ZNF277: variants seen among roughly 807,000 people sequenced by gnomAD.
ZNF277 encodes the protein nuclear receptor-interacting factor 4.
A neutral mutation model predicts 60.7 loss-of-function variants in ZNF277; 55 were observed. The observed-to-expected ratio is 0.91, with a 90% confidence interval of 0.73 to 1.13. The LOEUF is 1.13. Ranked by LOEUF, ZNF277 falls within the 50% of genes most tolerant of loss-of-function variation. The probability of loss-of-function intolerance (pLI) is 0.00; values close to 1 mark genes in which losing one functional copy is unlikely to be tolerated. For missense variants in ZNF277, 510 were observed against 523.0 expected (o/e 0.98, Z 0.24); for synonymous variants, 178 against 179.3 (o/e 0.99, Z 0.06).
At chr7:112,280,934 G>A (rs1043572036) in intron 1 of ZNF277, among the ~76,000 whole-genome samples, 15 of 152,176 alleles carry the variant, frequency 9.9e-5, no homozygotes, top group Admixed American at 2.6e-4. Context: ...AGCCCCTATT[G>A]TCTTTTACCA....
At chr7:112,326,895 T>C (rs925687703) in intron 5 of ZNF277, among the ~76,000 whole-genome samples, 1 of 152,230 alleles carries the variant, frequency 6.6e-6, no homozygotes, top group East Asian at 1.9e-4. Flanking sequence ...CTGTAGAATA[T>C]ACTATACACA....
chr7:112,338,823 C>T (rs1793384173), intron 9 of ZNF277, among the ~76,000 whole-genome samples: 1 of 152,168 alleles, frequency 6.6e-6, no homozygotes, highest in Admixed American at 6.5e-5. Context: ...TTTTCGGCAT[C>T]CTTGACAGGT....
chr7:112,260,813 GTC>G (rs1367672075), intron 1 of ZNF277, among the ~76,000 whole-genome samples: 1 of 152,180 alleles, frequency 6.6e-6, no homozygotes, highest in African/African-American at 2.4e-5. Flanking sequence ...CTACTCTAGT[GTC>G]TCTGCTACCT....
At chr7:112,214,789 T>C (rs898128495) in intron 1 of ZNF277, among the ~76,000 whole-genome samples, 2 of 152,150 alleles carry the variant, frequency 1.3e-5, no homozygotes, top group Admixed American at 1.3e-4. Flanking sequence ...GCTTTCTCCA[T>C]GAGTAGCATA....
intron 1 of ZNF277, among the ~76,000 whole-genome samples, chr7:112,213,084 G>A (rs1443506555): frequency 6.6e-6 from 1 of 152,212 alleles, no homozygotes; most frequent in Non-Finnish European, 1.5e-5. Context: ...GACCTGGTGG[G>A]AGATAATTGA....
intron 1 of ZNF277, among the ~76,000 whole-genome samples, chr7:112,211,738 A>G (rs1469164383): frequency 6.6e-6 from 1 of 152,198 alleles, no homozygotes; most frequent in Non-Finnish European, 1.5e-5. Flanking sequence ...GTCTAGCCTC[A>G]TCTTCAGTCA....
At chr7:112,291,176 T>C (rs899250484) in intron 2 of ZNF277, among the ~76,000 whole-genome samples, 3 of 152,202 alleles carry the variant, frequency 2.0e-5, no homozygotes, top group Non-Finnish European at 4.4e-5. Flanking sequence ...ATTCAGTAGA[T>C]AAAATTGCTC....
intron 1 of ZNF277, among the ~76,000 whole-genome samples, chr7:112,251,321 C>G (rs1157864137): frequency 6.6e-6 from 1 of 152,120 alleles, no homozygotes; most frequent in Non-Finnish European, 1.5e-5. Flanking sequence ...CTGAAGACTC[C>G]CTGTACCCTC....
At chr7:112,283,343 C>T (rs531785012) in intron 1 of ZNF277, among the ~76,000 whole-genome samples, 2 of 152,206 alleles carry the variant, frequency 1.3e-5, no homozygotes, top group East Asian at 1.9e-4. Flanking sequence ...GCCAGGCCAG[C>T]GAAACCTGGT....
rs189555900 is a variant in ZNF277, at chr7:112,287,012, G to T, written c.231G>T (p.Lys77Asn). The T allele has an allele frequency of 3.7e-6, 6 of 1,614,048 alleles. No homozygotes were observed. Among genetic ancestry groups the T allele is most frequent in the Admixed American group, 1.7e-5 (1 of 60,008 alleles). The change falls in exon 2 of 12, where the codon AAG becomes AAT. Residue 77 changes from lysine (K) to asparagine (N), a missense_variant. By Grantham distance (94) the Lys-to-Asn change is moderately conservative. Coordinates refer to ENST00000361822, the MANE Select transcript of ZNF277 (RefSeq NM_021994.3). ...FPVAEQDKLL[K>N]HMIIEHKIVI... ...TGGCTGAACAAGACAAACTTCTGAA[G>T]CACATGATTATTGAGCATAAGATTG...
intron 4 of ZNF277, among the ~76,000 whole-genome samples, chr7:112,306,295 G>A (rs1163100240): frequency 6.8e-6 from 1 of 147,690 alleles, no homozygotes; most frequent in Admixed American, 6.9e-5. Flanking sequence ...GCTCCCTGCA[G>A]CCTCCGCCTT....
chr7:112,238,447 G>A (rs73424403), intron 1 of ZNF277, among the ~76,000 whole-genome samples: 1,649 of 152,280 alleles, frequency 0.011, 25 homozygotes, highest in African/African-American at 0.037. Flanking sequence ...AGTGCTTTGA[G>A]GTCCTAAAGA....
intron 1 of ZNF277, among the ~76,000 whole-genome samples, chr7:112,247,207 T>C (rs1421968547): frequency 6.6e-6 from 1 of 152,180 alleles, no homozygotes; most frequent in Non-Finnish European, 1.5e-5. Flanking sequence ...GTGGAGGGTA[T>C]ATTCAGGGCA....
chr7:112,341,082 C>A, intron 11 of ZNF277, 36 bp downstream of exon 11: 1 of 1,520,730 alleles, frequency 6.6e-7, no homozygotes, highest in South Asian at 1.4e-5. Flanking sequence ...ACTTCTTACT[C>A]CAACTCTTTG....
chr7:112,256,030 T>C (rs1218706766), intron 1 of ZNF277, among the ~76,000 whole-genome samples: 1 of 152,178 alleles, frequency 6.6e-6, no homozygotes, highest in Non-Finnish European at 1.5e-5. Flanking sequence ...TTGCTACCCA[T>C]TCTTTGAGAC....
At chr7:112,269,373 G>T (rs942161904) in intron 1 of ZNF277, among the ~76,000 whole-genome samples, 1 of 151,860 alleles carries the variant, frequency 6.6e-6, no homozygotes. Flanking sequence ...CTCACTGTAT[G>T]GCATTTATGT....
chr7:112,332,098 C>G (rs1207210182), intron 7 of ZNF277, among the ~76,000 whole-genome samples: 1 of 152,186 alleles, frequency 6.6e-6, no homozygotes, highest in Admixed American at 6.5e-5. Flanking sequence ...GCTGCTCATA[C>G]AGGGCACGGA....
At chr7:112,230,577 TCTA>T (rs1376989663) in intron 1 of ZNF277, among the ~76,000 whole-genome samples, 4 of 152,164 alleles carry the variant, frequency 2.6e-5, no homozygotes, top group Non-Finnish European at 5.9e-5. Flanking sequence ...AGAAGAATCA[TCTA>T]AGAGTCACAG....
At chr7:112,210,960 A>C (rs1337725281) in intron 1 of ZNF277, among the ~76,000 whole-genome samples, 3 of 152,230 alleles carry the variant, frequency 2.0e-5, no homozygotes, top group Non-Finnish European at 4.4e-5. Context: ...TAATACATTT[A>C]GGAGGCTTTT....
Sources: allele counts gnomAD v4.1 joint callset (sites outside exome capture counted in the v4.1 genomes callset), GRCh38; gene constraint gnomAD v4.1.1; transcripts MANE v1.5; gene names NCBI Gene and HGNC (gene_info 2026-07-23, HGNC 2026-07-21).